The following TBX18 variants were observed in gnomAD, a reference collection of about 807,000 sequenced individuals.
TBX18 encodes the protein T-box transcription factor TBX18.
TBX18 carries 21 observed loss-of-function variants against 55.0 expected under a neutral mutation model. The ratio of observed to expected loss-of-function variants is 0.38; its 90% confidence interval spans 0.27 to 0.55. TBX18 has a LOEUF of 0.55. Ranked by LOEUF, TBX18 falls within the 20% of genes least tolerant of loss-of-function variation. The probability of loss-of-function intolerance (pLI) is 0.73; values close to 1 mark genes in which losing one functional copy is unlikely to be tolerated. For missense variants in TBX18, 840 were observed against 799.6 expected, an observed-to-expected ratio of 1.05 and a Z score of -0.61; for synonymous variants, 342 against 326.1, an observed-to-expected ratio of 1.05 and a Z score of -0.53.
rs1766877726 is a variant in TBX18, at chr6:84,736,823, G to A, written c.1686C>T (p.Thr562=). 2.7e-5 allele frequency: 43 copies of A among 1,613,940 alleles called. No homozygotes were observed. The highest frequency in any genetic ancestry group is 3.5e-5 in the Non-Finnish European group (41 of 1,180,012). The change falls in exon 8 of 8, where the codon ACC becomes ACT. Residue 562 remains threonine (T), a synonymous_variant. Transcript: ENST00000369663. ...GGGGCAACATCTGCCGATCCGTCAT[G>A]GTCCCACTCGGTGAGGACCCCAAGA... ...GSFLGSSPSG[T]MTDRQMLPPV...
intron 3 of TBX18, among the ~76,000 whole-genome samples, chr6:84,759,422 G>A (rs1767586299): frequency 6.6e-6 from 1 of 152,044 alleles, no homozygotes; most frequent in African/African-American, 2.4e-5. Context: ...ACGAAGACAA[G>A]CAAAATTTAA....
At chr6:84,753,493 C>A (rs1767406185) in intron 4 of TBX18, among the ~76,000 whole-genome samples, 1 of 151,058 alleles carries the variant, frequency 6.6e-6, no homozygotes, top group Non-Finnish European at 1.5e-5. Context: ...TCATTTGAGT[C>A]AATAGCTTTA....
rs1290408750 is a variant in TBX18 at position 84,736,929 on chromosome 6, C to T, written c.1580G>A (p.Cys527Tyr). Residue 527 changes from cysteine (C) to tyrosine (Y), a missense_variant, in exon 8 of 8, where the codon TGT (cysteine) becomes TAT (tyrosine). Coordinates refer to ENST00000369663, the MANE Select transcript of TBX18 (RefSeq NM_001080508.3). ...GGAGAAGTTATATCCATATAGTGCACAGGGGCTGTGTAATCTAAAAGTATT... is the reference window on the plus strand; with the variant it reads ...GGAGAAGTTATATCCATATAGTGCATAGGGGCTGTGTAATCTAAAAGTATT... The part of the protein sequence containing the change: ...SYNTFRLHSP[C>Y]ALYGYNFSTS... 6.2e-7 allele frequency: 1 copy of T among 1,611,204 alleles called. No homozygotes were observed.
chr6:84,748,080 A>G lies in TBX18; in HGVS notation c.779T>C (p.Leu260Pro). ...CGGTTGGTATTTGTGCATAGAATGA[A>G]GAATAATCTATATCAAAGAAGGAAA... The part of the protein sequence containing the change: ...NELDDQGHII[L>P]HSMHKYQPRV... Residue 260 changes from leucine (L) to proline (P), a missense_variant, in exon 5 of 8, where the codon CTT becomes CCT. Coordinates refer to ENST00000369663, the MANE Select transcript of TBX18 (RefSeq NM_001080508.3). 1 of 1,604,594 alleles carries G rather than the reference A, an allele frequency of 6.2e-7. No homozygotes were observed. Among genetic ancestry groups the G allele is most frequent in the Non-Finnish European group, 8.5e-7 (1 of 1,173,734 alleles).
rs1348601691 is a variant in TBX18 at position 84,734,820 on chromosome 6, T to A, written c.*1865A>T. 1 of 152,174 alleles carries A rather than the reference T, an allele frequency of 6.6e-6. No homozygotes were observed. The highest frequency in any genetic ancestry group is 1.5e-5 in the Non-Finnish European group (1 of 68,018). The allele number at this position is 152,174 out of a possible 1,614,324, so 9.4% of individuals were successfully genotyped here. On this transcript the variant is annotated 3_prime_UTR_variant, in exon 8 of 8. Coordinates refer to ENST00000369663, the MANE Select transcript of TBX18 (RefSeq NM_001080508.3). ...TGAGATGGACTCATTCTTAACACCT[T>A]TCCCCAAATCTTTGTCAAGCTATTA...
rs1381218206 is a variant in TBX18 at position 84,734,337 on chromosome 6, T to C, written c.*2348A>G. 1.1e-4 allele frequency: 17 copies of C among 152,214 alleles called. No homozygotes were observed. Among genetic ancestry groups the C allele is most frequent in the Non-Finnish European group, 8.8e-5 (6 of 68,038 alleles). The allele number at this position is 152,214 out of a possible 1,614,324, so 9.4% of individuals were successfully genotyped here. ...ACAGCAGGCCCATTTCTTTCTGCCA[T>C]GTATTTGAGAGGTACAGAATTTGCG... On this transcript the variant is annotated 3_prime_UTR_variant, in exon 8 of 8. Coordinates refer to ENST00000369663, the MANE Select transcript of TBX18 (RefSeq NM_001080508.3).
rs1449792512 is a variant in TBX18, at chr6:84,760,244, A to T, written c.599+11T>A. On this transcript the variant is annotated intron_variant, in intron 3 of 7. Coordinates refer to ENST00000369663, the MANE Select transcript of TBX18 (RefSeq NM_001080508.3). ...TTTTTTTTTTAATTGTTCAGTATCT[A>T]ATCACTGTACCTGTATCTTTTGTTG... 1 of 1,529,080 alleles carries T rather than the reference A, an allele frequency of 6.5e-7. No homozygotes were observed. The highest frequency in any genetic ancestry group is 8.9e-7 in the Non-Finnish European group (1 of 1,127,148). The allele number at this position is 1,529,080 out of a possible 1,614,324, so 94.7% of individuals were successfully genotyped here.
In TBX18 at chr6:84,764,128, G is replaced by A. The variant is rs1344470717; in HGVS notation, c.54C>T (p.His18=). The change falls in exon 1 of 8, where the codon CAC becomes CAT. Residue 18 remains histidine, a synonymous_variant. Transcript: ENST00000369663. The stretch of plus-strand genomic sequence containing the variant: ...CGATCAGCGCCTCCACCGAGAAAGC[G>A]TGCGCCTTGAGGCTTAGCATGCTGC... The part of the protein sequence containing the change: ...SPCSMLSLKA[H]AFSVEALIGA... The A allele has an allele frequency of 1.3e-6, 2 of 1,580,386 alleles. No homozygotes were observed. Among genetic ancestry groups the A allele is most frequent in the African/African-American group, 1.4e-5 (1 of 72,914 alleles).
chr6:84,755,311 T>C (rs1195257328), intron 4 of TBX18, among the ~76,000 whole-genome samples: 1 of 152,208 alleles, frequency 6.6e-6, no homozygotes, highest in Non-Finnish European at 1.5e-5. Context: ...CTTTAGAGCA[T>C]ACATTCTTTA....
intron 6 of TBX18, among the ~76,000 whole-genome samples, chr6:84,739,836 C>G (rs1488346482): frequency 2.0e-5 from 3 of 152,178 alleles, no homozygotes; most frequent in Non-Finnish European, 4.4e-5. Flanking sequence ...CTATCTTACA[C>G]TACTTGTCCA....
At chr6:84,741,903 T>C (rs993405823) in intron 6 of TBX18, 2 of 152,196 alleles carry the variant, frequency 1.3e-5, no homozygotes, top group Non-Finnish European at 2.9e-5. Context: ...TGCTCACTTA[T>C]GTAATTCAGG....
At chr6:84,761,777 T>A (rs1020166219) in intron 2 of TBX18, among the ~76,000 whole-genome samples, 3 of 152,202 alleles carry the variant, frequency 2.0e-5, no homozygotes, top group African/African-American at 7.2e-5. Flanking sequence ...TACTAACCAA[T>A]GGATGGGAAA....
chr6:84,757,073 G>A (rs540631655), intron 3 of TBX18, among the ~76,000 whole-genome samples: 3 of 152,278 alleles, frequency 2.0e-5, no homozygotes, highest in African/African-American at 7.2e-5. Context: ...TAAGGGGCGT[G>A]TTAACGGCTT....
At chr6:84,746,288 G>A (rs1305960754) in intron 5 of TBX18, among the ~76,000 whole-genome samples, 2 of 151,524 alleles carry the variant, frequency 1.3e-5, no homozygotes, top group African/African-American at 4.8e-5. Context: ...ATTGTTAAAA[G>A]AATACTAAAT....
Position 84,764,042 on chromosome 6 carries a change from G to A in TBX18, c.140C>T (p.Ala47Val), listed in dbSNP as rs766268172. 6.4e-7 allele frequency: 1 copy of A among 1,555,942 alleles called. No homozygotes were observed. The highest frequency in any genetic ancestry group is 1.2e-5 in the South Asian group (1 of 85,370). ...KRRKLGAEEA[A>V]GAVDDGGCSR... ...GCAGCCTCCGTCGTCCACGGCCCCC[G>A]CCGCCTCTTCGGCGCCCAGTTTTCG... The change falls in exon 1 of 8, where the codon GCG becomes GTG. Residue 47 changes from alanine (A) to valine (V), a missense_variant. Transcript: ENST00000369663.
In TBX18 at chr6:84,756,702, C is replaced by T. The variant is rs1767497284; in HGVS notation, c.767G>A (p.Gly256Asp). Residue 256 changes from glycine to aspartate, a missense_variant, in exon 4 of 8, where the codon GGC (glycine) becomes GAC (aspartate). By Grantham distance (94) the Gly-to-Asp change is moderately conservative. Transcript: ENST00000369663. ...KLTNNELDDQ[G>D]HIILHSMHKY... ...TTAGAGAGGCCATCTACTCACATGG[C>T]CTTGGTCATCCAGTTCATTGTTGGT... 6.2e-7 allele frequency: 1 copy of T among 1,613,692 alleles called. No individual in the cohort carries two copies. Among genetic ancestry groups the T allele is most frequent in the South Asian group, 1.1e-5 (1 of 91,010 alleles).
intron 6 of TBX18, chr6:84,742,496 C>T (rs1767071300): frequency 6.6e-6 from 1 of 152,108 alleles, no homozygotes; most frequent in South Asian, 2.1e-4. Context: ...TTCCTGAAAA[C>T]TTGTCATATG....
chr6:84,756,807 C>A lies in TBX18; in HGVS notation c.662G>T (p.Arg221Leu), dbSNP rs762412545. The change falls in exon 4 of 8, where the codon CGT becomes CTT. Residue 221 changes from arginine to leucine, a missense_variant. Arg to Leu is a moderately radical substitution (Grantham distance 102). Transcript: ENST00000369663. ...AGGCGAGTCTGGATGAATGTACACA[C>A]GGGGTGGCACAGGCGAGTCAGCATT... The part of the protein sequence containing the change: ...AGNADSPVPP[R>L]VYIHPDSPAS... The A allele has an allele frequency of 6.2e-7, 1 of 1,614,040 alleles. No individual in the cohort carries two copies. The highest frequency in any genetic ancestry group is 2.2e-5 in the East Asian group (1 of 44,856).
chr6:84,762,332 G>A (rs1173412016), intron 2 of TBX18, among the ~76,000 whole-genome samples: 2 of 152,216 alleles, frequency 1.3e-5, no homozygotes, highest in East Asian at 1.9e-4. Flanking sequence ...CATTCAACCA[G>A]AGGGCAGTTG....
Sources: allele counts gnomAD v4.1 joint callset (sites outside exome capture counted in the v4.1 genomes callset), GRCh38; gene constraint gnomAD v4.1.1; transcripts MANE v1.5; gene names NCBI Gene and HGNC (gene_info 2026-07-23, HGNC 2026-07-21).